NAV2: variants seen among roughly 807,000 people sequenced by gnomAD.
The protein encoded by NAV2 is helicase, APC down-regulated 1.
NAV2 carries 54 observed loss-of-function variants against 223.2 expected under a neutral mutation model. The observed-to-expected ratio is 0.24, with a 90% CI of 0.19 to 0.30. The LOEUF (loss-of-function observed/expected upper bound fraction) is 0.30, where lower values mean the gene tolerates loss of function less well. NAV2 is among the 10% of genes least tolerant of loss of function. The pLI is 1.00. For missense variants in NAV2, 2,806 were observed against 3,147.5 expected (o/e 0.89, Z 2.60); for synonymous variants, 1,279 against 1,239.3 (o/e 1.03, Z -0.67).
intron 1 of NAV2, among the ~76,000 whole-genome samples, chr11:19,748,323 C>G (rs530798033): frequency 6.6e-6 from 1 of 152,172 alleles, no homozygotes; most frequent in Non-Finnish European, 1.5e-5. Context: ...TCTTATTTAT[C>G]AAGCATCTTA....
At chr11:19,945,456 C>A (rs1206536759) in intron 8 of NAV2, among the ~76,000 whole-genome samples, 2 of 152,058 alleles carry the variant, frequency 1.3e-5, no homozygotes, top group East Asian at 3.8e-4. Context: ...CTGACTGCAA[C>A]CTCTACCTTC....
chr11:19,675,453 C>T (rs1437805556), intron 1 of NAV2, among the ~76,000 whole-genome samples: 2 of 152,224 alleles, frequency 1.3e-5, no homozygotes, highest in Admixed American at 6.5e-5. Context: ...TAGACACCCA[C>T]TGCCTGTGTC....
intron 10 of NAV2, among the ~76,000 whole-genome samples, chr11:19,955,613 G>A (rs945749800): frequency 6.6e-6 from 1 of 152,226 alleles, no homozygotes; most frequent in African/African-American, 2.4e-5. Context: ...CATTTGCCAT[G>A]TGGACTGATG....
intron 1 of NAV2, among the ~76,000 whole-genome samples, chr11:19,409,621 G>A (rs75583993): frequency 3.9e-5 from 6 of 152,276 alleles, no homozygotes; most frequent in African/African-American, 9.6e-5. Context: ...CTGAGCGGCC[G>A]TTCATTCCTT....
chr11:19,789,328 TAAAC>T (rs1359519586), intron 1 of NAV2, among the ~76,000 whole-genome samples: 1 of 152,118 alleles, frequency 6.6e-6, no homozygotes, highest in Non-Finnish European at 1.5e-5. Flanking sequence ...ATAATGAAAA[TAAAC>T]AGATTTTAAG....
chr11:19,592,183 T>C (rs2046080041), intron 1 of NAV2, among the ~76,000 whole-genome samples: 1 of 152,106 alleles, frequency 6.6e-6, no homozygotes, highest in Non-Finnish European at 1.5e-5. Context: ...TCATTGACTA[T>C]CCTCTGCTTG....
intron 12 of NAV2, among the ~76,000 whole-genome samples, chr11:20,037,384 A>G (rs1188191409): frequency 1.4e-5 from 2 of 147,972 alleles, no homozygotes; most frequent in Non-Finnish European, 1.5e-5. Context: ...AAAAAAAAAA[A>G]GGATGTATCA....
chr11:19,483,630 T>A (rs2042347942), intron 1 of NAV2, among the ~76,000 whole-genome samples: 1 of 152,190 alleles, frequency 6.6e-6, no homozygotes, highest in Non-Finnish European at 1.5e-5. Context: ...ATACTAGTTT[T>A]GCTGTCCCAC....
At chr11:19,410,262 A>G (rs1850086170) in intron 1 of NAV2, among the ~76,000 whole-genome samples, 1 of 151,868 alleles carries the variant, frequency 6.6e-6, no homozygotes, top group Non-Finnish European at 1.5e-5. Context: ...CCTCCCTTTC[A>G]TCTTCCCTTT....
intron 1 of NAV2, among the ~76,000 whole-genome samples, chr11:19,589,860 A>G (rs949814022): frequency 6.6e-6 from 1 of 152,160 alleles, no homozygotes; most frequent in African/African-American, 2.4e-5. Context: ...GTAGAGAAGG[A>G]GAGAGGGAAG....
chr11:19,737,615 A>G (rs971545673), intron 1 of NAV2, among the ~76,000 whole-genome samples: 2 of 152,348 alleles, frequency 1.3e-5, no homozygotes, highest in South Asian at 4.1e-4. Flanking sequence ...CCATGTCCCT[A>G]TGCAAGGCAT....
chr11:19,937,351 T>TC (rs34457152), intron 7 of NAV2, among the ~76,000 whole-genome samples: 78,868 of 144,972 alleles, frequency 0.54, 22,119 homozygotes, highest in East Asian at 0.78. Flanking sequence ...TTATAATTGC[T>TC]CCCCCCCCGC....
intron 6 of NAV2, among the ~76,000 whole-genome samples, chr11:19,895,968 T>C (rs1425133756): frequency 6.6e-6 from 1 of 152,084 alleles, no homozygotes; most frequent in Non-Finnish European, 1.5e-5. Context: ...AGGGACGCTC[T>C]TGTGAACAGA....
intron 3 of NAV2, among the ~76,000 whole-genome samples, chr11:19,843,138 C>T (rs911492581): frequency 5.3e-5 from 8 of 152,154 alleles, no homozygotes; most frequent in Non-Finnish European, 7.4e-5. Flanking sequence ...GATTGTGAGA[C>T]AGTTAAAGTG....
intron 5 of NAV2, among the ~76,000 whole-genome samples, chr11:19,886,859 C>T (rs1355680077): frequency 6.6e-6 from 1 of 152,266 alleles, no homozygotes; most frequent in Non-Finnish European, 1.5e-5. Context: ...TCTGGCTTTC[C>T]CTTAGTGTCA....
rs941486532 is a variant in NAV2, at chr11:19,352,865, C to T, written c.75+1838C>T. On this transcript the variant is annotated intron_variant, in intron 1 of 37. Coordinates refer to the NAV2 transcript ENST00000360655. ...GTTTCTGGGCTTCTAGAAATACCGC[C>T]ACTGCAGTAGCTTCTGTTGGCGGCA... 1.1e-4 allele frequency among the ~76,000 whole-genome samples: 17 copies of T among 152,276 alleles called. No homozygotes were observed. The East Asian group carries it at 3.3e-3, about 29-fold the overall frequency.
chr11:19,874,797 T>C (rs1664206945), intron 4 of NAV2, among the ~76,000 whole-genome samples: 1 of 152,194 alleles, frequency 6.6e-6, no homozygotes, highest in Non-Finnish European at 1.5e-5. Context: ...ATCTATATGA[T>C]GGGAATGTAA....
chr11:19,825,473 C>T (rs992747270), intron 1 of NAV2, among the ~76,000 whole-genome samples: 1 of 152,094 alleles, frequency 6.6e-6, no homozygotes, highest in Non-Finnish European at 1.5e-5. Flanking sequence ...CTGGCATTTC[C>T]TTCTAAGAAA....
At chr11:19,984,078 C>CA in intron 10 of NAV2, 47 bp from the exon 11 acceptor site, 1 of 1,612,714 alleles carries the variant, frequency 6.2e-7, no homozygotes, top group Non-Finnish European at 8.5e-7. Flanking sequence ...GCCTGGAAGC[C>CA]ACTTGCTTTG....
Sources: gnomAD v4.1 joint callset for allele counts (sites outside exome capture counted in the v4.1 genomes callset) on GRCh38, gnomAD v4.1.1 for gene constraint, MANE v1.5 for transcripts, NCBI Gene and HGNC (gene_info 2026-07-23, HGNC 2026-07-21) for gene names.